The following CD226 variants were observed in gnomAD, a reference collection of about 807,000 sequenced individuals.
CD226 encodes CD226 molecule.
In CD226, 24 loss-of-function variants were observed where a neutral mutation model predicts 34.9. The ratio of observed to expected loss-of-function variants is 0.69; its 90% CI spans 0.50 to 0.97. The LOEUF (loss-of-function observed/expected upper bound fraction) is 0.97, where lower values mean the gene tolerates loss of function less well. Ranked by LOEUF, CD226 falls within the 50% of genes least tolerant of loss-of-function variation. The probability of loss-of-function intolerance (pLI) is 0.00; values close to 1 mark genes in which losing one functional copy is unlikely to be tolerated. For missense variants in CD226, 397 were observed against 412.7 expected (o/e 0.96, Z 0.33); for synonymous variants, 148 against 147.4 (o/e 1.00, Z -0.03).
At chr18:69,954,474 T>C (rs1013468214) in intron 1 of CD226, among the ~76,000 whole-genome samples, 22 of 151,680 alleles carry the variant, frequency 1.5e-4, no homozygotes, top group African/African-American at 5.1e-4. Flanking sequence ...GGTAGAGAGG[T>C]AGAAGGGCTG....
At chr18:69,881,481 T>G (rs1984257759) in intron 3 of CD226, among the ~76,000 whole-genome samples, 1 of 152,206 alleles carries the variant, frequency 6.6e-6, no homozygotes, top group Non-Finnish European at 1.5e-5. Context: ...AACAGTTTTT[T>G]TTGGCAACTG....
At chr18:69,948,260 T>C (rs1178431883), upstream of CD226, among the ~76,000 whole-genome samples, 1 of 152,158 alleles carries the variant, frequency 6.6e-6, no homozygotes, top group Non-Finnish European at 1.5e-5. Flanking sequence ...AAATACAAGT[T>C]CCAATTCTTA....
chr18:69,901,748 A>T (rs576293476), intron 2 of CD226, among the ~76,000 whole-genome samples: 1 of 152,020 alleles, frequency 6.6e-6, no homozygotes, highest in African/African-American at 2.4e-5. Context: ...GCGTGGTGGC[A>T]GGTGCCTGTA....
intron 2 of CD226, among the ~76,000 whole-genome samples, chr18:69,926,263 T>G (rs1176511292): frequency 6.6e-6 from 1 of 152,016 alleles, no homozygotes; most frequent in East Asian, 1.9e-4. Flanking sequence ...TTTTCCATCC[T>G]CTTACATCTC....
At chr18:69,864,613 G>T (rs1983023338) in intron 5 of CD226, among the ~76,000 whole-genome samples, 174 bp from the exon 6 acceptor site, 1 of 152,136 alleles carries the variant, frequency 6.6e-6, no homozygotes, top group Non-Finnish European at 1.5e-5. Context: ...TCATATTCTT[G>T]ACTGAGATGC....
intron 3 of CD226, among the ~76,000 whole-genome samples, chr18:69,888,416 CTTTTTT>C (rs397771802): frequency 2.4e-5 from 3 of 125,078 alleles, no homozygotes; most frequent in Non-Finnish European, 3.2e-5. Context: ...TTTCCTTTCT[CTTTTTT>C]TTTTTTTTTT....
In CD226 at chr18:69,875,020, A is replaced by C. The variant is rs180885772; in HGVS notation, c.728-1774T>G. The stretch of plus-strand genomic sequence containing the variant: ...GTTGCATCCACATCTTGACTACTGT[A>C]GACAATGATGCAATACATACACGGT... On this transcript the variant is annotated intron_variant, in intron 3 of 5. Coordinates refer to ENST00000582621, the MANE Select transcript of CD226 (RefSeq NM_001303618.2). Among the ~76,000 whole-genome samples, 6 of 152,370 alleles carry C rather than the reference A, an allele frequency of 3.9e-5. No homozygotes were observed. In the East Asian group the frequency reaches 1.2e-3, roughly 29 times the overall value.
chr18:69,890,349 CACTT>C (rs1239453455), intron 3 of CD226, among the ~76,000 whole-genome samples: 5 of 152,094 alleles, frequency 3.3e-5, no homozygotes, highest in Non-Finnish European at 7.4e-5. Context: ...CCAATCCCAG[CACTT>C]TAGGAGGCTG....
rs553850117 is a variant in CD226, at chr18:69,875,930, C to T, written c.728-2684G>A. On this transcript the variant is annotated intron_variant, in intron 3 of 5. Coordinates refer to ENST00000582621, the MANE Select transcript of CD226 (RefSeq NM_001303618.2). ...TGGGAGGGCAGAAGATAGGGAGACG[C>T]TGGCTAAAGGGTACCAACTTTTGGT... is the stretch of plus-strand genomic sequence containing the variant. 4.6e-5 allele frequency among the ~76,000 whole-genome samples: 7 copies of T among 152,250 alleles called. No homozygotes were observed. In the South Asian group the frequency reaches 1.5e-3, roughly 32 times the overall value.
chr18:69,959,968 T>TGGGCAC (rs2055921886), upstream of CD226, among the ~76,000 whole-genome samples: 1 of 152,164 alleles, frequency 6.6e-6, no homozygotes, highest in Non-Finnish European at 1.5e-5. Flanking sequence ...AGGCAATGGC[T>TGGGCAC]GGGCACGGTG....
At chr18:69,893,220 C>T (rs1308262411) in intron 3 of CD226, among the ~76,000 whole-genome samples, 1 of 152,182 alleles carries the variant, frequency 6.6e-6, no homozygotes, top group Non-Finnish European at 1.5e-5. Flanking sequence ...AACTGAATGT[C>T]AAAAAGCCAT....
intron 3 of CD226, among the ~76,000 whole-genome samples, chr18:69,881,982 C>T (rs922859752): frequency 2.6e-5 from 4 of 152,166 alleles, no homozygotes. Flanking sequence ...TGTTTTATAG[C>T]TAGAAGGTCC....
At chr18:69,953,816 A>G (rs2055873876) in intron 1 of CD226, among the ~76,000 whole-genome samples, 1 of 152,116 alleles carries the variant, frequency 6.6e-6, no homozygotes, top group Non-Finnish European at 1.5e-5. Context: ...CCTGGCCAAC[A>G]TGGTGAAACC....
At chr18:69,918,417 G>T (rs994982267) in intron 2 of CD226, among the ~76,000 whole-genome samples, 4 of 152,278 alleles carry the variant, frequency 2.6e-5, no homozygotes, top group Non-Finnish European at 5.9e-5. Flanking sequence ...AATTAGCCAG[G>T]TGTGGTGGCA....
intron 2 of CD226, among the ~76,000 whole-genome samples, chr18:69,909,600 C>T (rs1326596192): frequency 6.6e-6 from 1 of 152,076 alleles, no homozygotes; most frequent in African/African-American, 2.4e-5. Flanking sequence ...CAGCTATTAG[C>T]AGGGATAGTT....
intron 2 of CD226, among the ~76,000 whole-genome samples, chr18:69,932,310 C>T (rs957184168): frequency 1.3e-5 from 2 of 152,164 alleles, no homozygotes; most frequent in Admixed American, 6.5e-5. Context: ...GAATAGTGTA[C>T]ATTTGTGACA....
intron 2 of CD226, among the ~76,000 whole-genome samples, chr18:69,906,571 T>TTC (rs2055255764): frequency 6.6e-6 from 1 of 152,174 alleles, no homozygotes; most frequent in Non-Finnish European, 1.5e-5. Flanking sequence ...AATTCACCCT[T>TTC]ATGGCTCTCT....
chr18:69,949,875 C>T (rs1017152471), upstream of CD226, among the ~76,000 whole-genome samples: 2 of 151,808 alleles, frequency 1.3e-5, no homozygotes, highest in Non-Finnish European at 2.9e-5. Flanking sequence ...CTCACATATG[C>T]ACACTGTCTC....
chr18:69,877,020 C>G (rs77035486), intron 3 of CD226, among the ~76,000 whole-genome samples: 1 of 151,918 alleles, frequency 6.6e-6, no homozygotes, highest in African/African-American at 2.4e-5. Context: ...CCCGCCACTA[C>G]GTCCAGCTAA....
Sources: allele counts gnomAD v4.1 joint callset (sites outside exome capture counted in the v4.1 genomes callset), GRCh38; gene constraint gnomAD v4.1.1; transcripts MANE v1.5; gene names NCBI Gene and HGNC (gene_info 2026-07-23, HGNC 2026-07-21).